Variants in DPYSL2 observed in about 807,000 individuals in gnomAD.
The protein encoded by DPYSL2 is dihydropyrimidinase like 2, also known as dihydropyrimidinase-related protein 2.
In DPYSL2, 13 loss-of-function variants were observed where a neutral mutation model predicts 69.9. The observed-to-expected ratio is 0.19, with a 90% CI of 0.12 to 0.30. The LOEUF (loss-of-function observed/expected upper bound fraction) is 0.30, where lower values mean the gene tolerates loss of function less well. Among genes scored for constraint, DPYSL2 ranks in the 10% least tolerant of loss-of-function variants. DPYSL2 has a pLI of 1.00. For missense variants in DPYSL2, 587 were observed against 918.9 expected (o/e 0.64, Z 4.67); for synonymous variants, 326 against 359.1 (o/e 0.91, Z 1.04).
In DPYSL2 at chr8:26,657,097, A is replaced by G. The variant is rs756199681; in HGVS notation, c.*1391A>G. 1.8e-4 allele frequency: 28 copies of G among 152,372 alleles called. No homozygotes were observed. Among genetic ancestry groups the G allele is most frequent in the Admixed American group, 4.6e-4 (7 of 15,296 alleles). 9.4% of individuals were successfully genotyped at this position (152,372 alleles called of 1,614,324 possible). A position where few individuals can be genotyped will look rare whatever the true frequency, so the allele number is the denominator to read the frequency against. On this transcript the variant is annotated 3_prime_UTR_variant, in exon 14 of 14. Coordinates refer to ENST00000521913, the MANE Select transcript of DPYSL2 (RefSeq NM_001197293.3). ...CTTGTCCAATTATTTCTAAAGACAC[A>G]CTACATAGAAAGAGGCCCTATAAAC...
At chr8:26,589,712 G>A (rs1486850614) in intron 3 of DPYSL2, among the ~76,000 whole-genome samples, 3 of 152,262 alleles carry the variant, frequency 2.0e-5, no homozygotes, top group African/African-American at 7.2e-5. Flanking sequence ...GGCATGGCCT[G>A]TGGTTGTGGA....
Position 26,593,799 on chromosome 8 carries a change from G to A in DPYSL2, c.628+9816G>A, listed in dbSNP as rs972252810. Among the ~76,000 whole-genome samples, 37 of 152,192 alleles carry A rather than the reference G, an allele frequency of 2.4e-4. No homozygotes were observed. The highest frequency in any genetic ancestry group is 2.9e-5 in the Non-Finnish European group (2 of 68,036). On this transcript the variant is annotated intron_variant, in intron 3 of 13. Coordinates refer to ENST00000521913, the MANE Select transcript of DPYSL2 (RefSeq NM_001197293.3). The surrounding 1 kb of genome is among the most constrained non-coding windows in gnomAD (Gnocchi z 5.7). The stretch of plus-strand genomic sequence containing the variant: ...TGTCCCCAGCCTGTGGCCACCTGCT[G>A]TGCTGGTTTCCCTGAGAAAACCCTA...
intron 1 of DPYSL2, among the ~76,000 whole-genome samples, chr8:26,515,273 A>G (rs1808261061): frequency 6.6e-6 from 1 of 152,196 alleles, no homozygotes; most frequent in Non-Finnish European, 1.5e-5. Flanking sequence ...CAGCGTGAGA[A>G]GAGCCAGGAA....
rs141101153 is a variant in DPYSL2, at chr8:26,591,363, C to T, written c.628+7380C>T. On this transcript the variant is annotated intron_variant, in intron 3 of 13. Transcript: ENST00000521913. This position sits in a 1 kb window ranked among gnomAD's most constrained non-coding sequence, Gnocchi z 5.8. The stretch of plus-strand genomic sequence containing the variant: ...AGGGTCAGGCATTCAGTGGTCGGGT[C>T]TCAGGGTTCCTTATTGCTAGATGAA... Among the ~76,000 whole-genome samples, 95 of 152,320 alleles carry T rather than the reference C, an allele frequency of 6.2e-4. No homozygotes were observed. The highest frequency in any genetic ancestry group is 2.3e-3 in the African/African-American group (94 of 41,576).
intron 8 of DPYSL2, 39 bp downstream of exon 8, chr8:26,634,939 A>ACTC: frequency 6.2e-7 from 1 of 1,610,120 alleles, no homozygotes; most frequent in Non-Finnish European, 8.5e-7. Context: ...GCAGGTGGGG[A>ACTC]GGTTTGGAGG....
intron 8 of DPYSL2, among the ~76,000 whole-genome samples, chr8:26,636,514 C>T (rs1012183900): frequency 3.3e-5 from 5 of 152,192 alleles, no homozygotes; most frequent in African/African-American, 7.2e-5. Context: ...AAGTTTACTT[C>T]ATATTCAAAC....
Position 26,643,675 on chromosome 8 carries a change from G to A in DPYSL2, c.1283+80G>A, listed in dbSNP as rs1002467961. ...TGACCTGTTAGGCGAAAACAACATG[G>A]TGGCCAAGAGCAGCCATAAAACTGG... On this transcript the variant is annotated intron_variant, in intron 9 of 13. Coordinates refer to ENST00000521913, the MANE Select transcript of DPYSL2 (RefSeq NM_001197293.3). The surrounding 1 kb of genome is among the most constrained non-coding windows in gnomAD (Gnocchi z 6.5). The A allele has an allele frequency of 1.1e-5, 17 of 1,593,530 alleles. No individual in the cohort carries two copies. Among genetic ancestry groups the A allele is most frequent in the African/African-American group, 4.0e-5 (3 of 74,698 alleles).
intron 1 of DPYSL2, among the ~76,000 whole-genome samples, chr8:26,530,004 T>C (rs1800478026): frequency 1.4e-5 from 2 of 147,110 alleles, no homozygotes; most frequent in African/African-American, 2.5e-5. Context: ...CCCAGCTTCA[T>C]GGAAGGCTGA....
At chr8:26,602,193 C>T (rs1490556944) in intron 3 of DPYSL2, among the ~76,000 whole-genome samples, 17 of 140,302 alleles carry the variant, frequency 1.2e-4, no homozygotes, top group African/African-American at 4.0e-4. Context: ...TTTTTAGGAG[C>T]GTATTAGATA....
chr8:26,594,348 A>G (rs1055379176), intron 3 of DPYSL2, among the ~76,000 whole-genome samples: 4 of 149,556 alleles, frequency 2.7e-5, no homozygotes, highest in African/African-American at 7.6e-5. Context: ...ATCTATCTCT[A>G]TCTATCTATT....
intron 3 of DPYSL2, among the ~76,000 whole-genome samples, chr8:26,618,725 G>A (rs1353330357): frequency 1.4e-5 from 2 of 143,652 alleles, no homozygotes; most frequent in African/African-American, 5.2e-5. Flanking sequence ...AGGAACATCT[G>A]AGGTCAGGAA....
rs887629706 is a variant in DPYSL2, at chr8:26,565,722, A to G, written c.355-16247A>G. ...CAAAAGGAGTTTATTTGTATATCAC[A>G]TAATAGTTCAAGGTGGGTGTTTCTG... On this transcript the variant is annotated intron_variant, in intron 1 of 13. Coordinates refer to ENST00000521913, the MANE Select transcript of DPYSL2 (RefSeq NM_001197293.3). This position sits in a 1 kb window ranked among gnomAD's most constrained non-coding sequence, Gnocchi z 4.1. Among the ~76,000 whole-genome samples, 7 of 152,220 alleles carry G rather than the reference A, an allele frequency of 4.6e-5. No individual in the cohort carries two copies. The highest frequency in any genetic ancestry group is 8.8e-5 in the Non-Finnish European group (6 of 68,030).
chr8:26,594,957 G>T (rs1801824810), intron 3 of DPYSL2, among the ~76,000 whole-genome samples: 1 of 152,178 alleles, frequency 6.6e-6, no homozygotes, highest in African/African-American at 2.4e-5. Flanking sequence ...TGAGGTGGGA[G>T]GATCACTTGA....
chr8:26,653,455 G>A lies in DPYSL2; in HGVS notation c.1942+58G>A, dbSNP rs976484283. The A allele has an allele frequency of 3.9e-5, 60 of 1,535,542 alleles. No individual in the cohort carries two copies. Among genetic ancestry groups the A allele is most frequent in the Admixed American group, 3.1e-4 (16 of 51,512 alleles). On this transcript the variant is annotated intron_variant, in intron 13 of 13. Coordinates refer to ENST00000521913, the MANE Select transcript of DPYSL2 (RefSeq NM_001197293.3). This position sits in a 1 kb window ranked among gnomAD's most constrained non-coding sequence, Gnocchi z 5.7. ...GCAGGGCCAGCTCGCTGGTGCTGGC[G>A]AGGCTACAGTTGCATTTGGAAAGGA...
chr8:26,635,307 G>C (rs1447860528), intron 8 of DPYSL2, among the ~76,000 whole-genome samples: 1 of 152,222 alleles, frequency 6.6e-6, no homozygotes, highest in Non-Finnish European at 1.5e-5. Context: ...GGGTATGTAA[G>C]GCAGCTTTGT....
chr8:26,527,545 C>T (rs937028640), intron 1 of DPYSL2, among the ~76,000 whole-genome samples: 1 of 152,110 alleles, frequency 6.6e-6, no homozygotes, highest in African/African-American at 2.4e-5. Flanking sequence ...GCACCAGGTC[C>T]TTGTCCAATT....
intron 3 of DPYSL2, among the ~76,000 whole-genome samples, chr8:26,584,553 A>G (rs980259255): frequency 6.6e-6 from 1 of 150,730 alleles, no homozygotes; most frequent in Admixed American, 6.6e-5. Context: ...TCTTTTAGAT[A>G]TGAAAATTGC....
rs1272784585 is a variant in DPYSL2 at position 26,617,137 on chromosome 8, C to A, written c.629-7006C>A. Among the ~76,000 whole-genome samples, 1 of 152,152 alleles carries A rather than the reference C, an allele frequency of 6.6e-6. No individual in the cohort carries two copies. Among genetic ancestry groups the A allele is most frequent in the Non-Finnish European group, 1.5e-5 (1 of 68,028 alleles). On this transcript the variant is annotated intron_variant, in intron 3 of 13. Transcript: ENST00000521913. The surrounding 1 kb of genome is among the most constrained non-coding windows in gnomAD (Gnocchi z 4.7). ...CTTTAAAAACTCATGATATTGGGTT[C>A]TCTATCAGTGTCGCTCCCTGGCTGT...
intron 1 of DPYSL2, among the ~76,000 whole-genome samples, chr8:26,569,828 T>C (rs1331782076): frequency 1.3e-5 from 2 of 151,948 alleles, no homozygotes; most frequent in African/African-American, 2.4e-5. Context: ...CAAAGGGCCA[T>C]TGCAGGGAAA....
Sources: gnomAD v4.1 joint callset for allele counts (sites outside exome capture counted in the v4.1 genomes callset) on GRCh38, gnomAD v4.1.1 for gene constraint, Gnocchi (gnomAD v3.1) non-coding constraint, MANE v1.5 for transcripts, NCBI Gene and HGNC (gene_info 2026-07-23, HGNC 2026-07-21) for gene names.